The following QTMAN variants were observed in gnomAD, a reference collection of about 807,000 sequenced individuals.
The protein encoded by QTMAN is queuosine-tRNA mannosyltransferase.
At chr2:144,053,009 T>C in the QTMAN span, among the ~76,000 whole-genome samples, 4 of 152,208 alleles carry the variant, frequency 2.6e-5, no homozygotes, top group East Asian at 1.9e-4. Flanking sequence ...CATGCACTGA[T>C]ACTCCACATA....
At chr2:144,280,940 G>A in the QTMAN span, among the ~76,000 whole-genome samples, 1 of 151,268 alleles carries the variant, frequency 6.6e-6, no homozygotes, top group African/African-American at 2.4e-5. Flanking sequence ...TAAGTTTTAG[G>A]GTACATGTGC....
At chr2:143,992,133 C>T in the QTMAN span, among the ~76,000 whole-genome samples, 1 of 151,776 alleles carries the variant, frequency 6.6e-6, no homozygotes, top group Non-Finnish European at 1.5e-5. Context: ...CGGATGGTTG[C>T]CGTGTCTGTG....
the QTMAN span, among the ~76,000 whole-genome samples, chr2:143,986,959 C>T: frequency 0.039 from 5,908 of 152,154 alleles, 386 homozygotes; most frequent in African/African-American, 0.13. Flanking sequence ...AAGTTTTGGG[C>T]ACCTGGACTA....
chr2:144,309,847 C>A, the QTMAN span, among the ~76,000 whole-genome samples: 1 of 152,152 alleles, frequency 6.6e-6, no homozygotes, highest in African/African-American at 2.4e-5. Flanking sequence ...GACAAATCAA[C>A]CTAACTACAG....
the QTMAN span, among the ~76,000 whole-genome samples, chr2:144,036,183 A>G: frequency 1.4e-4 from 22 of 152,332 alleles, no homozygotes; most frequent in African/African-American, 5.1e-4. Context: ...ACCGCACCAA[A>G]GACCATTATT....
chr2:144,211,173 A>G, the QTMAN span: 1 of 152,204 alleles, frequency 6.6e-6, no homozygotes, highest in Non-Finnish European at 1.5e-5. Flanking sequence ...GAGGCAGTAC[A>G]TGTAGATGCT....
the QTMAN span, among the ~76,000 whole-genome samples, chr2:144,149,605 A>C: frequency 1.3e-5 from 2 of 152,006 alleles, no homozygotes; most frequent in Non-Finnish European, 2.9e-5. Context: ...ATTTCACCAA[A>C]AGTACAAGTA....
the QTMAN span, chr2:144,145,791 C>A: frequency 6.9e-7 from 1 of 1,459,132 alleles, no homozygotes; most frequent in Non-Finnish European, 9.4e-7. Context: ...TTGAAGGGAT[C>A]ATGCTTTGCT....
At chr2:144,234,793 G>A in the QTMAN span, among the ~76,000 whole-genome samples, 1 of 152,302 alleles carries the variant, frequency 6.6e-6, no homozygotes, top group South Asian at 2.1e-4. Flanking sequence ...CACGGCCACA[G>A]AATCTGATAA....
the QTMAN span, among the ~76,000 whole-genome samples, chr2:144,139,072 G>A: frequency 6.6e-6 from 1 of 152,036 alleles, no homozygotes; most frequent in Non-Finnish European, 1.5e-5. Context: ...AGAAAGTTAA[G>A]CTGGACAAAG....
At chr2:143,945,694 C>A in the QTMAN span, 1 of 152,200 alleles carries the variant, frequency 6.6e-6, no homozygotes, top group African/African-American at 2.4e-5. Flanking sequence ...GTCTAGCCAC[C>A]TTTCCCAGGC....
At chr2:144,255,510 T>C in the QTMAN span, among the ~76,000 whole-genome samples, 97 of 152,334 alleles carry the variant, frequency 6.4e-4, no homozygotes, top group African/African-American at 2.2e-3. Flanking sequence ...CTTTATAAAT[T>C]ACCCAGTCTC....
the QTMAN span, among the ~76,000 whole-genome samples, chr2:144,214,344 T>C: frequency 4.6e-5 from 7 of 152,130 alleles, no homozygotes; most frequent in Non-Finnish European, 1.0e-4. Flanking sequence ...AAAACTGAAA[T>C]ATAATCTGGT....
At chr2:144,009,542 A>C in the QTMAN span, among the ~76,000 whole-genome samples, 9 of 152,242 alleles carry the variant, frequency 5.9e-5, no homozygotes, top group Non-Finnish European at 8.8e-5. Context: ...TTAAATTTCT[A>C]TTCTAATTTC....
At chr2:144,134,677 G>C in the QTMAN span, among the ~76,000 whole-genome samples, 3 of 152,094 alleles carry the variant, frequency 2.0e-5, no homozygotes, top group Non-Finnish European at 4.4e-5. Flanking sequence ...TAGCAAGGTT[G>C]ACATTGGATA....
chr2:144,126,925 C>T, the QTMAN span, among the ~76,000 whole-genome samples: 1 of 152,096 alleles, frequency 6.6e-6, no homozygotes, highest in East Asian at 1.9e-4. Context: ...CACAAGTTAG[C>T]TCTGGGTATA....
chr2:144,199,490 G>C, the QTMAN span, among the ~76,000 whole-genome samples: 1 of 152,142 alleles, frequency 6.6e-6, no homozygotes, highest in Admixed American at 6.5e-5. Context: ...TAACATGACA[G>C]TCAAATGCCT....
the QTMAN span, among the ~76,000 whole-genome samples, chr2:144,122,698 T>C: frequency 6.6e-6 from 1 of 152,204 alleles, no homozygotes; most frequent in Non-Finnish European, 1.5e-5. Flanking sequence ...ATTATCTACA[T>C]GTGTACAAGC....
chr2:144,151,866 T>TA, the QTMAN span, among the ~76,000 whole-genome samples: 1 of 152,232 alleles, frequency 6.6e-6, no homozygotes, highest in Non-Finnish European at 1.5e-5. Flanking sequence ...GTCAGCTACT[T>TA]AATCTTAATT....
Sources: allele counts gnomAD v4.1 joint callset (sites outside exome capture counted in the v4.1 genomes callset), GRCh38; gene constraint gnomAD v4.1.1; transcripts MANE v1.5; gene names NCBI Gene and HGNC (gene_info 2026-07-23, HGNC 2026-07-21).